The following CSMD1 variants were observed in gnomAD, a reference collection of about 807,000 sequenced individuals.
CSMD1 encodes the protein CUB and Sushi multiple domains 1.
Under a neutral mutation model 417.5 loss-of-function variants are expected in CSMD1, and 213 were observed. That is an observed-to-expected ratio of 0.51 (90% CI 0.46 to 0.57). The LOEUF (loss-of-function observed/expected upper bound fraction) is 0.57, where lower values mean the gene tolerates loss of function less well. Ranked by LOEUF, CSMD1 falls within the 20% of genes least tolerant of loss-of-function variation. CSMD1 has a pLI of 0.00. For synonymous variants in CSMD1, 2,862 were observed against 1,736.8 expected (o/e 1.65, Z -16.11); for missense variants, 6,923 against 4,529.7 (o/e 1.53, Z -15.17).
chr8:4,196,919 G>C (rs764838227), intron 3 of CSMD1, among the ~76,000 whole-genome samples: 1 of 152,046 alleles, frequency 6.6e-6, no homozygotes, highest in Non-Finnish European at 1.5e-5. Context: ...CTAAGAGTTT[G>C]TTCATGTTAA....
At chr8:3,884,291 T>A (rs548980398) in intron 5 of CSMD1, among the ~76,000 whole-genome samples, 2 of 152,212 alleles carry the variant, frequency 1.3e-5, no homozygotes, top group South Asian at 4.1e-4. Context: ...TGGCCACTTG[T>A]GTTTGTTATA....
intron 1 of CSMD1, among the ~76,000 whole-genome samples, chr8:4,882,170 C>T (rs1044917443): frequency 6.6e-6 from 1 of 152,152 alleles, no homozygotes; most frequent in East Asian, 1.9e-4. Context: ...AAATCCCAGT[C>T]TCCTTGGCAC....
intron 1 of CSMD1, among the ~76,000 whole-genome samples, chr8:4,947,067 T>C (rs568624294): frequency 2.6e-4 from 40 of 152,308 alleles, no homozygotes; most frequent in African/African-American, 9.4e-4. Flanking sequence ...GCTACAGAAT[T>C]TGTAATAGGA....
At chr8:4,625,599 A>G (rs1047808576) in intron 2 of CSMD1, among the ~76,000 whole-genome samples, 2 of 152,120 alleles carry the variant, frequency 1.3e-5, no homozygotes, top group Non-Finnish European at 2.9e-5. Flanking sequence ...GCAAATACAA[A>G]GTCACAACAT....
intron 7 of CSMD1, among the ~76,000 whole-genome samples, chr8:3,669,216 A>G (rs1798858415): frequency 6.6e-6 from 1 of 152,236 alleles, no homozygotes; most frequent in Non-Finnish European, 1.5e-5. Flanking sequence ...CATAAATTCA[A>G]AGACACTAAA....
At chr8:3,898,040 C>T (rs927956840) in intron 5 of CSMD1, among the ~76,000 whole-genome samples, 14 of 152,256 alleles carry the variant, frequency 9.2e-5, no homozygotes, top group African/African-American at 2.9e-4. Flanking sequence ...CTATTCTTAC[C>T]ACCTAAATTA....
At chr8:3,288,995 G>T (rs1803356916) in intron 25 of CSMD1, among the ~76,000 whole-genome samples, 1 of 140,430 alleles carries the variant, frequency 7.1e-6, no homozygotes, top group South Asian at 2.1e-4. Flanking sequence ...CCCCACAACA[G>T]TCCCCGGTGT....
intron 3 of CSMD1, among the ~76,000 whole-genome samples, chr8:4,066,827 C>G (rs767648272): frequency 6.6e-6 from 1 of 152,144 alleles, no homozygotes; most frequent in African/African-American, 2.4e-5. Context: ...GCGACAACAC[C>G]CACTCACAAA....
At chr8:4,197,670 G>C (rs529081078) in intron 3 of CSMD1, among the ~76,000 whole-genome samples, 30 of 152,288 alleles carry the variant, frequency 2.0e-4, no homozygotes, top group Admixed American at 1.0e-3. Flanking sequence ...TTTGAGGCCA[G>C]GAGTTTGAGG....
chr8:4,709,812 A>G (rs903561990), intron 1 of CSMD1, among the ~76,000 whole-genome samples: 1 of 152,144 alleles, frequency 6.6e-6, no homozygotes, highest in Non-Finnish European at 1.5e-5. Flanking sequence ...AGAGGAAAAG[A>G]GCACAGTGTC....
At chr8:4,322,105 C>A (rs543080408) in intron 3 of CSMD1, among the ~76,000 whole-genome samples, 14 of 151,908 alleles carry the variant, frequency 9.2e-5, no homozygotes, top group Non-Finnish European at 1.6e-4. Context: ...TACATAAATA[C>A]TTAATATAAA....
intron 12 of CSMD1, among the ~76,000 whole-genome samples, chr8:3,445,014 T>G (rs889434045): frequency 6.6e-6 from 1 of 152,172 alleles, no homozygotes; most frequent in Non-Finnish European, 1.5e-5. Context: ...CTTTATCCAG[T>G]GCCAAGTCAC....
intron 27 of CSMD1, among the ~76,000 whole-genome samples, chr8:3,225,069 A>C (rs183450088): frequency 6.6e-6 from 1 of 152,344 alleles, no homozygotes; most frequent in Admixed American, 6.5e-5. Flanking sequence ...AAATGTCTTA[A>C]TTGCTGATTT....
At chr8:3,245,830 G>C (rs539349592) in intron 26 of CSMD1, among the ~76,000 whole-genome samples, 11 of 152,292 alleles carry the variant, frequency 7.2e-5, no homozygotes, top group African/African-American at 2.6e-4. Flanking sequence ...TTGAGAACAA[G>C]TCTGTAATGA....
chr8:3,538,691 G>A (rs1798310512), intron 10 of CSMD1, among the ~76,000 whole-genome samples: 1 of 152,174 alleles, frequency 6.6e-6, no homozygotes, highest in Admixed American at 6.5e-5. Context: ...ACGTGGCATG[G>A]CCTGCCATCT....
chr8:4,048,985 G>C (rs528996968), intron 3 of CSMD1, among the ~76,000 whole-genome samples: 1 of 152,050 alleles, frequency 6.6e-6, no homozygotes, highest in African/African-American at 2.4e-5. Flanking sequence ...ATTTCTCTAA[G>C]GTTGATACAA....
intron 2 of CSMD1, among the ~76,000 whole-genome samples, chr8:4,543,642 G>C (rs1167383718): frequency 8.0e-6 from 1 of 124,300 alleles, no homozygotes; most frequent in African/African-American, 3.0e-5. Flanking sequence ...ATGATGGCTG[G>C]ATCATATGGG....
intron 3 of CSMD1, among the ~76,000 whole-genome samples, chr8:4,127,623 C>G (rs1057123673): frequency 6.6e-6 from 1 of 152,036 alleles, no homozygotes; most frequent in Non-Finnish European, 1.5e-5. Flanking sequence ...ACCCAAAGTA[C>G]CTGTATGCAT....
chr8:3,834,998 C>A (rs1210701334), intron 5 of CSMD1, among the ~76,000 whole-genome samples: 1 of 152,074 alleles, frequency 6.6e-6, no homozygotes, highest in Non-Finnish European at 1.5e-5. Flanking sequence ...CAGAGAAATG[C>A]AAGTCAAAAC....
Sources: allele counts gnomAD v4.1 joint callset (sites outside exome capture counted in the v4.1 genomes callset), GRCh38; gene constraint gnomAD v4.1.1; transcripts MANE v1.5; gene names NCBI Gene and HGNC (gene_info 2026-07-23, HGNC 2026-07-21).